PCDHGA5: variants seen among roughly 807,000 people sequenced by gnomAD.
PCDHGA5 encodes protocadherin gamma subfamily A, 5, also known as protocadherin gamma-A5.
A neutral mutation model predicts 56.7 loss-of-function variants in PCDHGA5; 36 were observed. That is an observed-to-expected ratio of 0.64 (90% confidence interval 0.49 to 0.84). The LOEUF is 0.84. PCDHGA5 is among the 40% of genes least tolerant of loss of function. The pLI is 0.00. For missense variants in PCDHGA5, 1,305 were observed against 1,201.5 expected (o/e 1.09, Z -1.27); for synonymous variants, 563 against 520.2 (o/e 1.08, Z -1.12).
chr5:141,376,835 C>T (rs537669685), intron 1 of PCDHGA5: 5 of 249,278 alleles, frequency 2.0e-5, no homozygotes, highest in Non-Finnish European at 3.8e-5. Flanking sequence ...TACAGGCGCC[C>T]GCCACCGCGC....
chr5:141,413,909 T>C, intron 1 of PCDHGA5: 2 of 1,613,316 alleles, frequency 1.2e-6, no homozygotes, highest in Non-Finnish European at 1.7e-6. Context: ...AACGCGCCGG[T>C]CTTCACCTTG....
At chr5:141,475,571 G>A (rs1426547386) in intron 1 of PCDHGA5, among the ~76,000 whole-genome samples, 1 of 152,212 alleles carries the variant, frequency 6.6e-6, no homozygotes, top group East Asian at 1.9e-4. Context: ...CTTCCAACAA[G>A]CCAGATTTGT....
At chr5:141,383,575 G>T in intron 1 of PCDHGA5, 1 of 1,613,234 alleles carries the variant, frequency 6.2e-7, no homozygotes, top group African/African-American at 1.3e-5. Flanking sequence ...ATCCAGCACC[G>T]CCCACATCCA....
At chr5:141,407,360 A>G (rs1024336863) in intron 1 of PCDHGA5, among the ~76,000 whole-genome samples, 1 of 152,232 alleles carries the variant, frequency 6.6e-6, no homozygotes, top group Non-Finnish European at 1.5e-5. Flanking sequence ...GGAAAACATA[A>G]CAGATATCCA....
chr5:141,376,307 G>A, intron 1 of PCDHGA5: 1 of 1,614,192 alleles, frequency 6.2e-7, no homozygotes, highest in East Asian at 2.2e-5. Context: ...GCACTTTGTG[G>A]GCGTGGAAGG....
chr5:141,399,430 A>G (rs758530359), intron 1 of PCDHGA5: 12 of 1,614,016 alleles, frequency 7.4e-6, no homozygotes, highest in Non-Finnish European at 1.0e-5. Context: ...CATAAGCGTC[A>G]TCCTACATAT....
Position 141,491,889 on chromosome 5 carries a change from C to T in PCDHGA5, c.2422-2918C>T, listed in dbSNP as rs2099734763. On this transcript the variant is annotated intron_variant, in intron 1 of 3. Transcript: ENST00000518069. The surrounding 1 kb of genome is among the most constrained non-coding windows in gnomAD (Gnocchi z 6.9). ...GAGTGGCCGATTAAGGGATGGGGCT[C>T]CGAGCACCGGGGGTGGTGGCGACTG... 11 of 1,441,360 alleles carry T rather than the reference C, an allele frequency of 7.6e-6. No individual in the cohort carries two copies. Among genetic ancestry groups the T allele is most frequent in the Non-Finnish European group, 1.0e-5 (11 of 1,090,600 alleles). 89.3% of individuals were successfully genotyped at this position (1,441,360 alleles called of 1,614,324 possible).
chr5:141,373,414 T>C (rs1351552261), intron 1 of PCDHGA5, among the ~76,000 whole-genome samples: 1 of 152,222 alleles, frequency 6.6e-6, no homozygotes, highest in Non-Finnish European at 1.5e-5. Context: ...TCCCAGCTAC[T>C]CGGGAGGCTG....
intron 1 of PCDHGA5, chr5:141,375,434 A>G (rs1423365367): frequency 1.9e-6 from 3 of 1,613,800 alleles, no homozygotes; most frequent in Non-Finnish European, 2.5e-6. Flanking sequence ...CAACCCGCCC[A>G]CCTTCCCCCA....
intron 1 of PCDHGA5, chr5:141,400,718 A>G (rs2094066078): frequency 3.0e-6 from 2 of 671,700 alleles, no homozygotes; most frequent in Non-Finnish European, 5.0e-6. Flanking sequence ...AGCCTTATAG[A>G]TTTACAAAGT....
In PCDHGA5 at chr5:141,418,244, C is replaced by T. The variant is rs746986702; in HGVS notation, c.2421+51493C>T. 1.3e-5 allele frequency: 21 copies of T among 1,613,980 alleles called. No individual in the cohort carries two copies. The South Asian group carries it at 2.2e-4, about 17-fold the overall frequency. ...TGTGGTGATTGAGGATGTTAATGAC[C>T]ACGCCCCTCAATTCCGGAAAGATGA... is the stretch of plus-strand genomic sequence containing the variant. On this transcript the variant is annotated intron_variant, in intron 1 of 3. Transcript: ENST00000518069.
At chr5:141,373,588 T>A (rs1021552918) in intron 1 of PCDHGA5, among the ~76,000 whole-genome samples, 3 of 152,222 alleles carry the variant, frequency 2.0e-5, no homozygotes, top group African/African-American at 4.8e-5. Context: ...GGTGGTGAAA[T>A]GTGATGATAA....
At position 141,365,935 on chromosome 5, in the gene PCDHGA5, C is replaced by G; in HGVS notation, c.1605C>G (p.Ser535Arg). 1.2e-6 allele frequency: 2 copies of G among 1,614,224 alleles called. No homozygotes were observed. Among genetic ancestry groups the G allele is most frequent in the Non-Finnish European group, 1.7e-6 (2 of 1,180,044 alleles). The change falls in exon 1 of 4, where the codon AGC becomes AGG. Residue 535 changes from serine to arginine, a missense_variant. Coordinates refer to ENST00000518069, the MANE Select transcript of PCDHGA5 (RefSeq NM_018918.3). ...ACCTACAGTTGTGGGTGACAGCCAG[C>G]GACAGTGGGAACCCTCCACTTAGCA... ...LRDLQLWVTA[S>R]DSGNPPLSSN...
chr5:141,433,935 T>C (rs2097665519), intron 1 of PCDHGA5, among the ~76,000 whole-genome samples: 1 of 152,150 alleles, frequency 6.6e-6, no homozygotes, highest in African/African-American at 2.4e-5. Context: ...GATTTTATAA[T>C]TCCATTGTTT....
intron 1 of PCDHGA5, among the ~76,000 whole-genome samples, chr5:141,448,521 GCATCCTGTCAGCATTTC>G (rs1378426350): frequency 1.3e-5 from 2 of 151,994 alleles, no homozygotes; most frequent in Non-Finnish European, 2.9e-5. Flanking sequence ...ACTTTATTAA[GCATCCTGTCAGCATTTC>G]TTATGCAAAT....
At chr5:141,370,903 A>C (rs1767302300) in intron 1 of PCDHGA5, 20 of 1,614,048 alleles carry the variant, frequency 1.2e-5, no homozygotes, top group Non-Finnish European at 1.5e-5. Context: ...CTGCAGCAGT[A>C]CTACCTCAGC....
rs2096205933 is a variant in PCDHGA5, at chr5:141,417,998, G to C, written c.2421+51247G>C. ...GGAGGAGCTGGCCAAGGGCTCGGTGGTGGGGAACCTCGCTAAGGATCTAGG... is the reference window on the plus strand; with the variant it reads ...GGAGGAGCTGGCCAAGGGCTCGGTGCTGGGGAACCTCGCTAAGGATCTAGG... On this transcript the variant is annotated intron_variant, in intron 1 of 3. Transcript: ENST00000518069. The C allele has an allele frequency of 1.9e-6, 3 of 1,613,928 alleles. No individual in the cohort carries two copies. The East Asian group carries it at 6.7e-5, about 36-fold the overall frequency.
In PCDHGA5 at chr5:141,365,591, A is replaced by C. The variant is rs1341115050; in HGVS notation, c.1261A>C (p.Thr421Pro). The C allele has an allele frequency of 6.2e-7, 1 of 1,613,546 alleles. No individual in the cohort carries two copies. The highest frequency in any genetic ancestry group is 1.3e-5 in the African/African-American group (1 of 74,908). Residue 421 changes from threonine (T) to proline (P), a missense_variant, in exon 1 of 4, where the codon ACT becomes CCT. Thr to Pro is a conservative substitution (Grantham distance 38). Transcript: ENST00000518069. ...DREETSDYNI[T>P]LTVMDHGTPP... ...AGAAGAGACTTCAGATTATAATATC[A>C]CTTTAACCGTCATGGACCATGGAAC... is the stretch of plus-strand genomic sequence containing the variant.
At chr5:141,420,256 TAAG>T (rs749213635) in intron 1 of PCDHGA5, 12 of 1,569,010 alleles carry the variant, frequency 7.6e-6, no homozygotes, top group South Asian at 1.2e-5. Context: ...TTGAAGCAGA[TAAG>T]AAGATTCTTA....
Sources: gnomAD v4.1 joint callset for allele counts (sites outside exome capture counted in the v4.1 genomes callset) on GRCh38, gnomAD v4.1.1 for gene constraint, Gnocchi (gnomAD v3.1) non-coding constraint, MANE v1.5 for transcripts, NCBI Gene and HGNC (gene_info 2026-07-23, HGNC 2026-07-21) for gene names.